The following SCAI variants were observed in gnomAD, a reference collection of about 807,000 sequenced individuals.
The protein encoded by SCAI is protein SCAI.
A neutral mutation model predicts 92.2 loss-of-function variants in SCAI; 24 were observed. That is an observed-to-expected ratio of 0.26 (90% CI 0.19 to 0.37). SCAI has a LOEUF of 0.37. Among genes scored for constraint, SCAI ranks in the 10% least tolerant of loss-of-function variants. The pLI is 1.00. For synonymous variants in SCAI, 261 were observed against 258.6 expected, an observed-to-expected ratio of 1.01 and a Z score of -0.09; for missense variants, 450 against 736.2, an observed-to-expected ratio of 0.61 and a Z score of 4.50.
Position 124,951,744 on chromosome 9 carries a change from A to G in SCAI, c.*1063T>C, listed in dbSNP as rs1831238481. On this transcript the variant is annotated 3_prime_UTR_variant, in exon 18 of 18. Transcript: ENST00000336505. ...GAATGACAGGGAAGGAAAACACAAA[A>G]AAGAAAAATCTTTATAATATACACT... 1 of 152,198 alleles carries G rather than the reference A, an allele frequency of 6.6e-6. No individual in the cohort carries two copies. The allele number at this position is 152,198 out of a possible 1,614,324, so 9.4% of individuals were successfully genotyped here. A position where few individuals can be genotyped will look rare whatever the true frequency, so the allele number is the denominator to read the frequency against.
intron 2 of SCAI, among the ~76,000 whole-genome samples, chr9:125,087,573 C>T (rs1834346838): frequency 6.6e-6 from 1 of 152,124 alleles, no homozygotes; most frequent in Non-Finnish European, 1.5e-5. Flanking sequence ...TTATTTTACA[C>T]GGCACTTTCA....
chr9:125,072,698 C>G (rs566266753), intron 2 of SCAI, among the ~76,000 whole-genome samples: 10 of 152,264 alleles, frequency 6.6e-5, no homozygotes, highest in African/African-American at 2.4e-4. Flanking sequence ...CCATTTTCCC[C>G]TCCTCCTAGC....
intron 2 of SCAI, among the ~76,000 whole-genome samples, chr9:125,100,674 T>C (rs866890899): frequency 6.6e-6 from 1 of 152,070 alleles, no homozygotes; most frequent in African/African-American, 2.4e-5. Flanking sequence ...ATAAATTACA[T>C]AGTATATTAG....
intron 2 of SCAI, among the ~76,000 whole-genome samples, chr9:125,079,000 A>G (rs1834152459): frequency 6.6e-6 from 1 of 152,130 alleles, no homozygotes. Flanking sequence ...TTGTCTTGCA[A>G]TTGCTTGATT....
At chr9:125,078,190 T>C (rs1834134959) in intron 2 of SCAI, among the ~76,000 whole-genome samples, 1 of 152,176 alleles carries the variant, frequency 6.6e-6, no homozygotes, top group Non-Finnish European at 1.5e-5. Context: ...TCTTTTCTCA[T>C]AGTTAACTTT....
At chr9:125,088,957 C>T (rs984071640) in intron 2 of SCAI, among the ~76,000 whole-genome samples, 1 of 152,114 alleles carries the variant, frequency 6.6e-6, no homozygotes, top group Non-Finnish European at 1.5e-5. Context: ...GTTGCATCAC[C>T]CCCCTACTTG....
intron 3 of SCAI, among the ~76,000 whole-genome samples, chr9:125,030,642 T>A (rs1833056519): frequency 6.6e-6 from 1 of 152,216 alleles, no homozygotes; most frequent in South Asian, 2.1e-4. Context: ...AGCAAGTAAC[T>A]GTTACTGAAG....
chr9:125,138,760 G>A (rs1430161817), intron 2 of SCAI, among the ~76,000 whole-genome samples: 1 of 152,050 alleles, frequency 6.6e-6, no homozygotes, highest in African/African-American at 2.4e-5. Flanking sequence ...TGTTGGTCAG[G>A]CTGGTCTCAA....
chr9:125,042,866 T>TTG (rs1454788126), intron 3 of SCAI, among the ~76,000 whole-genome samples: 1 of 113,230 alleles, frequency 8.8e-6, no homozygotes, highest in East Asian at 2.4e-4. Context: ...GGCTTTTTTT[T>TTG]TTTTTTTTTT....
At position 125,055,965 on chromosome 9, in the gene SCAI, A is replaced by G. The variant is rs1273623503; in HGVS notation, c.141T>C (p.Ala47=). The G allele has an allele frequency of 6.2e-6, 10 of 1,611,364 alleles. No homozygotes were observed. Among genetic ancestry groups the G allele is most frequent in the Non-Finnish European group, 7.6e-6 (9 of 1,177,688 alleles). Residue 47 remains alanine, a synonymous_variant, in exon 3 of 18, where the codon GCT becomes GCC. Coordinates refer to ENST00000336505, the MANE Select transcript of SCAI (RefSeq NM_001144877.3). ...ALKEIMSSGG[A]EDDIPQGERK... is the part of the protein sequence containing the mutation. ...TCTCTCCCTGTGGGATATCATCTTC[A>G]GCACCTCCAGAGGACATGATTTCTT...
At chr9:125,042,034 A>G (rs1833326250) in intron 3 of SCAI, among the ~76,000 whole-genome samples, 1 of 152,218 alleles carries the variant, frequency 6.6e-6, no homozygotes, top group Non-Finnish European at 1.5e-5. Context: ...AACTCTGAAT[A>G]TATCATTTGG....
At position 125,095,349 on chromosome 9, in the gene SCAI, G is replaced by A. The variant is rs548047150; in HGVS notation, c.99-39342C>T. On this transcript the variant is annotated intron_variant, in intron 2 of 17. Coordinates refer to ENST00000336505, the MANE Select transcript of SCAI (RefSeq NM_001144877.3). ...ACAGAAGAGCACTACTTAACATTCT[G>A]CACATTAAGTTGTGTCTCAAATTCT... Among the ~76,000 whole-genome samples the A allele has an allele frequency of 1.6e-4, 25 of 152,244 alleles. 1 individual carries two copies. The South Asian group carries it at 5.2e-3, about 32-fold the overall frequency.
intron 2 of SCAI, among the ~76,000 whole-genome samples, chr9:125,096,720 G>A (rs981439009): frequency 6.6e-6 from 1 of 152,132 alleles, no homozygotes. Flanking sequence ...CCCAACCTGA[G>A]GCAGTACCCT....
intron 2 of SCAI, among the ~76,000 whole-genome samples, chr9:125,068,646 A>G (rs1175856742): frequency 6.6e-6 from 1 of 152,152 alleles, no homozygotes; most frequent in Non-Finnish European, 1.5e-5. Flanking sequence ...AACATGGCAA[A>G]ACCCCATCTC....
At chr9:125,010,255 G>C (rs1832606821) in intron 9 of SCAI, among the ~76,000 whole-genome samples, 1 of 152,204 alleles carries the variant, frequency 6.6e-6, no homozygotes, top group Non-Finnish European at 1.5e-5. Context: ...AGCGCAAGGG[G>C]TCAGGGAGTT....
chr9:125,015,574 T>C (rs1415845389), intron 9 of SCAI, among the ~76,000 whole-genome samples: 1 of 152,162 alleles, frequency 6.6e-6, no homozygotes, highest in Non-Finnish European at 1.5e-5. Flanking sequence ...ACTTTTACAC[T>C]ATTGGTGGGA....
intron 17 of SCAI, among the ~76,000 whole-genome samples, chr9:124,961,148 T>A (rs1220083537): frequency 1.3e-4 from 19 of 144,062 alleles, no homozygotes; most frequent in African/African-American, 5.0e-4. Context: ...AAAAAAAAAA[T>A]TAGTAGTTGG....
intron 2 of SCAI, among the ~76,000 whole-genome samples, chr9:125,061,787 A>G (rs1021399192): frequency 6.6e-6 from 1 of 152,112 alleles, no homozygotes; most frequent in African/African-American, 2.4e-5. Context: ...CGAAGAAAAG[A>G]AAAGAAAAGA....
chr9:125,047,449 A>G (rs1424051618), intron 3 of SCAI, among the ~76,000 whole-genome samples: 1 of 152,216 alleles, frequency 6.6e-6, no homozygotes, highest in Non-Finnish European at 1.5e-5. Context: ...TATGGCAGCC[A>G]TAGCAAACTG....
Sources: allele counts gnomAD v4.1 joint callset (sites outside exome capture counted in the v4.1 genomes callset), GRCh38; gene constraint gnomAD v4.1.1; transcripts MANE v1.5; gene names NCBI Gene and HGNC (gene_info 2026-07-23, HGNC 2026-07-21).